The following RYR2 variants were observed in gnomAD, a reference collection of about 807,000 sequenced individuals.
The protein encoded by RYR2 is cardiac muscle ryanodine receptor-calcium release channel.
In RYR2, 227 loss-of-function variants were observed where a neutral mutation model predicts 601.1. The observed-to-expected ratio is 0.38, with a 90% CI of 0.34 to 0.42. RYR2 has a LOEUF of 0.42. Among genes scored for constraint, RYR2 ranks in the 10% least tolerant of loss-of-function variants. The pLI is 1.00. For synonymous variants in RYR2, 2,223 were observed against 2,175.1 expected (o/e 1.02, Z -0.61); for missense variants, 4,646 against 6,156.5 (o/e 0.75, Z 8.21).
At chr1:237,823,249 C>T (rs756330864) in intron 101 of RYR2, among the ~76,000 whole-genome samples, 5 of 152,196 alleles carry the variant, frequency 3.3e-5, no homozygotes, top group African/African-American at 9.7e-5. Context: ...CACCAATTCA[C>T]ACTTATTCTA....
At chr1:237,685,186 T>A (rs975199257) in intron 62 of RYR2, among the ~76,000 whole-genome samples, 1 of 152,158 alleles carries the variant, frequency 6.6e-6, no homozygotes, top group African/African-American at 2.4e-5. Context: ...ACAACAGTAT[T>A]ATAGAAAATA....
At chr1:237,795,197 ATTATT>A (rs1389054825) in intron 95 of RYR2, 87 bp from the exon 96 acceptor site, 3 of 617,142 alleles carry the variant, frequency 4.9e-6, no homozygotes, top group Non-Finnish European at 8.3e-6. Flanking sequence ...ATGTTTACAT[ATTATT>A]TTAAGTATGC....
In RYR2 at chr1:237,263,410, C is replaced by T. The variant is rs191521134; in HGVS notation, c.49-7087C>T. Reference sequence around the variant, plus strand: ...AAACCAGACCTTGTTCCTGCTCTCACACAGATCCTAATGCTATTGGAACCC... The same window carrying T: ...AAACCAGACCTTGTTCCTGCTCTCATACAGATCCTAATGCTATTGGAACCC... On this transcript the variant is annotated intron_variant, in intron 1 of 104. Transcript: ENST00000366574. Among the ~76,000 whole-genome samples the T allele has an allele frequency of 2.6e-5, 4 of 152,308 alleles. No homozygotes were observed. In the East Asian group the frequency reaches 7.7e-4, roughly 29 times the overall value.
At chr1:237,151,888 T>C (rs892916422) in intron 1 of RYR2, among the ~76,000 whole-genome samples, 1 of 152,200 alleles carries the variant, frequency 6.6e-6, no homozygotes, top group Non-Finnish European at 1.5e-5. Context: ...ATGTGCAGAA[T>C]GTGCAGGTTT....
At chr1:237,363,300 A>G (rs1290931362) in intron 4 of RYR2, among the ~76,000 whole-genome samples, 3 of 152,134 alleles carry the variant, frequency 2.0e-5, no homozygotes, top group Non-Finnish European at 4.4e-5. Flanking sequence ...AGTTATAAAA[A>G]GGTAACTAAA....
intron 1 of RYR2, among the ~76,000 whole-genome samples, chr1:237,074,954 T>C (rs1275163074): frequency 6.6e-6 from 1 of 152,168 alleles, no homozygotes. Flanking sequence ...TGCAGCCAGG[T>C]CTCGGAGAGG....
intron 42 of RYR2, among the ~76,000 whole-genome samples, chr1:237,631,779 C>T (rs547133907): frequency 7.9e-5 from 12 of 151,670 alleles, no homozygotes; most frequent in South Asian, 4.2e-4. Flanking sequence ...AGGCGCCCGC[C>T]ACCTCGCCCG....
At chr1:237,706,899 A>G (rs575755768) in intron 67 of RYR2, 50 bp from the exon 68 acceptor site, 7 of 1,469,480 alleles carry the variant, frequency 4.8e-6, no homozygotes, top group Non-Finnish European at 6.6e-6. Flanking sequence ...CCGCCATATC[A>G]TCTCAGTACT....
chr1:237,537,764 G>A (rs1297304765), intron 25 of RYR2, among the ~76,000 whole-genome samples: 1 of 152,184 alleles, frequency 6.6e-6, no homozygotes, highest in Non-Finnish European at 1.5e-5. Context: ...AGATGATACA[G>A]TGTAATACTG....
chr1:237,192,879 T>C (rs1246934603), intron 1 of RYR2, among the ~76,000 whole-genome samples: 1 of 152,080 alleles, frequency 6.6e-6, no homozygotes. Flanking sequence ...ATATATATAG[T>C]TAAATTATTT....
At chr1:237,405,937 C>T (rs1229881109) in intron 10 of RYR2, among the ~76,000 whole-genome samples, 2 of 131,958 alleles carry the variant, frequency 1.5e-5, no homozygotes, top group Non-Finnish European at 3.3e-5. Context: ...CACCATCAAC[C>T]ACTGAGGTAT....
intron 74 of RYR2, among the ~76,000 whole-genome samples, chr1:237,725,998 C>T (rs1018926507): frequency 2.6e-5 from 4 of 152,034 alleles, no homozygotes; most frequent in Non-Finnish European, 5.9e-5. Flanking sequence ...AAAGGCCTAA[C>T]AGTGGTTTAT....
In RYR2 at chr1:237,587,175, A is replaced by T. The variant is rs186950101; in HGVS notation, c.3599-2618A>T. Reference sequence around the variant, plus strand: ...TGAATGGTTGAAAGCTTCTTAACACATATTACCAAATTGCTCTACATAAAT... The same window carrying T: ...TGAATGGTTGAAAGCTTCTTAACACTTATTACCAAATTGCTCTACATAAAT... On this transcript the variant is annotated intron_variant, in intron 29 of 104. Coordinates refer to ENST00000366574, the MANE Select transcript of RYR2 (RefSeq NM_001035.3). Among the ~76,000 whole-genome samples, 611 of 152,344 alleles carry T rather than the reference A, an allele frequency of 4.0e-3. 1 individual carries two copies. The highest frequency in any genetic ancestry group is 0.011 in the South Asian group (52 of 4,830).
chr1:237,300,176 G>C (rs1693209774), intron 2 of RYR2, among the ~76,000 whole-genome samples: 1 of 152,138 alleles, frequency 6.6e-6, no homozygotes, highest in Non-Finnish European at 1.5e-5. Flanking sequence ...TGGGAAGACT[G>C]ACTTAGTATT....
intron 27 of RYR2, among the ~76,000 whole-genome samples, chr1:237,557,028 G>T (rs2148163980): frequency 6.6e-6 from 1 of 152,082 alleles, no homozygotes; most frequent in South Asian, 2.1e-4. Flanking sequence ...AGTTGGCCAG[G>T]GCTTAAGTCA....
In RYR2 at chr1:237,690,707, C is replaced by T. The variant is rs147185759; in HGVS notation, c.9067+3203C>T. Among the ~76,000 whole-genome samples, 8 of 152,158 alleles carry T rather than the reference C, an allele frequency of 5.3e-5. No homozygotes were observed. The East Asian group carries it at 1.6e-3, about 29-fold the overall frequency. ...CGAGACCCCATCTCGACTAAGAATA[C>T]AAAAAATTAGCCATGTCTGGTGGCA... On this transcript the variant is annotated intron_variant, in intron 63 of 104. Coordinates refer to ENST00000366574, the MANE Select transcript of RYR2 (RefSeq NM_001035.3).
chr1:237,650,637 C>G (rs1558142879), intron 50 of RYR2, among the ~76,000 whole-genome samples: 1 of 152,170 alleles, frequency 6.6e-6, no homozygotes. Flanking sequence ...GTATCTCCCC[C>G]TGATGAAGTT....
At chr1:237,511,833 T>TCAAA in intron 24 of RYR2, 42 bp downstream of exon 24, 9 of 274,646 alleles carry the variant, frequency 3.3e-5, no homozygotes, top group East Asian at 7.2e-5. Flanking sequence ...CTGCCTTCCC[T>TCAAA]GAAAAAAAAA....
chr1:237,491,206 T>C (rs1663297666), intron 17 of RYR2, among the ~76,000 whole-genome samples: 1 of 152,238 alleles, frequency 6.6e-6, no homozygotes, highest in African/African-American at 2.4e-5. Flanking sequence ...ATTGTGTTAT[T>C]TCTGTTTATT....
Sources: gnomAD v4.1 joint callset for allele counts (sites outside exome capture counted in the v4.1 genomes callset) on GRCh38, gnomAD v4.1.1 for gene constraint, MANE v1.5 for transcripts, NCBI Gene and HGNC (gene_info 2026-07-23, HGNC 2026-07-21) for gene names.